The following ANKRD45 variants were observed in gnomAD, a reference collection of about 807,000 sequenced individuals.
The protein encoded by ANKRD45 is ankyrin repeat domain 45.
ANKRD45 carries 21 observed loss-of-function variants against 28.1 expected under a neutral mutation model. The ratio of observed to expected loss-of-function variants is 0.75; its 90% CI spans 0.53 to 1.08. The LOEUF (loss-of-function observed/expected upper bound fraction) is 1.08, where lower values mean the gene tolerates loss of function less well. Among genes scored for constraint, ANKRD45 ranks in the 50% least tolerant of loss-of-function variants. The pLI is 0.00. For missense variants in ANKRD45, 261 were observed against 308.7 expected (o/e 0.85, Z 1.16); for synonymous variants, 86 against 103.9 (o/e 0.83, Z 1.05).
At chr1:173,663,938 T>C (rs1232667378) in intron 1 of ANKRD45, among the ~76,000 whole-genome samples, 3 of 152,204 alleles carry the variant, frequency 2.0e-5, no homozygotes, top group Non-Finnish European at 2.9e-5. Flanking sequence ...TATTTGTACA[T>C]ATATATTTCT....
intron 1 of ANKRD45, among the ~76,000 whole-genome samples, chr1:173,663,650 A>G (rs1422401549): frequency 2.6e-5 from 4 of 152,182 alleles, no homozygotes; most frequent in Non-Finnish European, 5.9e-5. Flanking sequence ...AGATATATAG[A>G]CTGCAAATTC....
At chr1:173,688,375 CCTCT>C in the ANKRD45 span, among the ~76,000 whole-genome samples, 9 of 138,200 alleles carry the variant, frequency 6.5e-5, no homozygotes, top group East Asian at 8.5e-4. Context: ...TCTGCCTCTT[CCTCT>C]CTCTCTCTGC....
chr1:173,705,671 A>C, the ANKRD45 span, among the ~76,000 whole-genome samples: 2 of 152,052 alleles, frequency 1.3e-5, no homozygotes, highest in African/African-American at 4.8e-5. Flanking sequence ...TGTGTTAAAA[A>C]AAATTAAATA....
chr1:173,687,986 C>CTTT, the ANKRD45 span, among the ~76,000 whole-genome samples: 1 of 128,596 alleles, frequency 7.8e-6, no homozygotes, highest in African/African-American at 2.8e-5. Flanking sequence ...AATGTTGAAT[C>CTTT]TTTTTTTTTT....
At chr1:173,642,287 A>C (rs547406713) in intron 3 of ANKRD45, among the ~76,000 whole-genome samples, 27 of 152,322 alleles carry the variant, frequency 1.8e-4, no homozygotes, top group African/African-American at 6.3e-4. Flanking sequence ...ACCTGCCTTC[A>C]AAGTTTTATA....
Position 173,646,952 on chromosome 1 carries a change from T to C in ANKRD45, c.390A>G (p.Val130=), listed in dbSNP as rs768097205. The C allele has an allele frequency of 1.9e-6, 3 of 1,614,166 alleles. No homozygotes were observed. The highest frequency in any genetic ancestry group is 2.7e-5 in the African/African-American group (2 of 75,060). The part of the protein sequence containing the change: ...WGRLETLKAL[V]ELDVDIEALN... ...AAGCTTCTATATCAACATCCAGTTC[T>C]ACCAGTGCTTTCAAAGTTTCCAAAC... The change falls in exon 3 of 6, where the codon GTA becomes GTG. Residue 130 remains valine (V), a synonymous_variant. Coordinates refer to ENST00000333279, the MANE Select transcript of ANKRD45 (RefSeq NM_198493.3).
intron 5 of ANKRD45, among the ~76,000 whole-genome samples, chr1:173,624,492 G>GAA (rs79337715): frequency 4.5e-5 from 6 of 132,132 alleles, no homozygotes; most frequent in African/African-American, 1.3e-4. Context: ...GCCTCCGGGG[G>GAA]AAAAAAAAAA....
upstream of ANKRD45, among the ~76,000 whole-genome samples, chr1:173,671,262 T>C (rs533884025): frequency 2.0e-5 from 3 of 152,270 alleles, no homozygotes; most frequent in South Asian, 4.1e-4. Context: ...TTGTCACATC[T>C]GCAAGGGAGC....
chr1:173,614,200 C>T (rs1320232479), intron 5 of ANKRD45, among the ~76,000 whole-genome samples: 1 of 151,988 alleles, frequency 6.6e-6, no homozygotes, highest in Admixed American at 6.6e-5. Flanking sequence ...TGCTGACCTT[C>T]CCTGCACTAT....
At chr1:173,700,204 C>G in the ANKRD45 span, among the ~76,000 whole-genome samples, 1 of 152,212 alleles carries the variant, frequency 6.6e-6, no homozygotes, top group Admixed American at 6.5e-5. Context: ...ATTCCATGCT[C>G]ATGGGTAGGA....
At chr1:173,669,077 G>C (rs763790917) in intron 1 of ANKRD45, among the ~76,000 whole-genome samples, 2 of 152,122 alleles carry the variant, frequency 1.3e-5, no homozygotes, top group African/African-American at 2.4e-5. Context: ...CTACCCCATA[G>C]GCTCTCACAT....
At chr1:173,632,739 C>CA (rs1247105039) in intron 3 of ANKRD45, among the ~76,000 whole-genome samples, 4 of 152,000 alleles carry the variant, frequency 2.6e-5, no homozygotes, top group Non-Finnish European at 4.4e-5. Flanking sequence ...TGTGATACAT[C>CA]ATATCAACAG....
the ANKRD45 span, among the ~76,000 whole-genome samples, chr1:173,704,129 A>C: frequency 6.6e-6 from 1 of 152,222 alleles, no homozygotes; most frequent in East Asian, 1.9e-4. Context: ...ACTTCAAGCA[A>C]GGAAGGAGCA....
intron 3 of ANKRD45, among the ~76,000 whole-genome samples, chr1:173,631,758 C>T (rs1035887933): frequency 8.6e-5 from 13 of 151,616 alleles, no homozygotes; most frequent in Admixed American, 5.3e-4. Context: ...GAAGAAATTA[C>T]TAATAAGAAG....
intron 5 of ANKRD45, among the ~76,000 whole-genome samples, chr1:173,621,508 A>C (rs1667700553): frequency 6.6e-6 from 1 of 152,232 alleles, no homozygotes; most frequent in South Asian, 2.1e-4. Context: ...CAGCATACAC[A>C]AATCAATAAA....
chr1:173,709,457 C>T, the ANKRD45 span, among the ~76,000 whole-genome samples: 1 of 152,236 alleles, frequency 6.6e-6, no homozygotes, highest in African/African-American at 2.4e-5. Flanking sequence ...AGTACAATTC[C>T]ATGACTTTTG....
At chr1:173,654,998 T>C (rs553602916) in intron 2 of ANKRD45, among the ~76,000 whole-genome samples, 1 of 152,330 alleles carries the variant, frequency 6.6e-6, no homozygotes, top group Admixed American at 6.5e-5. Flanking sequence ...GCCATTCGTC[T>C]AATCTTCTTT....
At chr1:173,644,044 C>T (rs375637894) in intron 3 of ANKRD45, among the ~76,000 whole-genome samples, 10 of 152,120 alleles carry the variant, frequency 6.6e-5, no homozygotes, top group East Asian at 3.8e-4. Context: ...TATTAATATA[C>T]ATTTATTCTA....
rs1412084936 is a variant in ANKRD45, at chr1:173,609,045, C to T, written c.*1100G>A. Among the ~76,000 whole-genome samples, 3 of 151,290 alleles carry T rather than the reference C, an allele frequency of 2.0e-5. No individual in the cohort carries two copies. Among genetic ancestry groups the T allele is most frequent in the Admixed American group, 2.0e-4 (3 of 15,198 alleles). On this transcript the variant is annotated 3_prime_UTR_variant, in exon 6 of 6. Transcript: ENST00000333279. The stretch of plus-strand genomic sequence containing the variant: ...GGAGCAAACACAGGTCTTCTTTGTA[C>T]TGCTCCATAAACACCCACTGGGTCG...
Sources: gnomAD v4.1 joint callset for allele counts (sites outside exome capture counted in the v4.1 genomes callset) on GRCh38, gnomAD v4.1.1 for gene constraint, MANE v1.5 for transcripts, NCBI Gene and HGNC (gene_info 2026-07-23, HGNC 2026-07-21) for gene names.